Variants in ZNF330 observed in about 807,000 individuals in gnomAD.
ZNF330 encodes nucleolar atypical zinc finger.
In ZNF330, 31 loss-of-function variants were observed where a neutral mutation model predicts 45.5. The observed-to-expected ratio is 0.68, with a 90% CI of 0.51 to 0.92. The LOEUF (loss-of-function observed/expected upper bound fraction) is 0.92, where lower values mean the gene tolerates loss of function less well. Ranked by LOEUF, ZNF330 falls within the 40% of genes least tolerant of loss-of-function variation. ZNF330 has a pLI of 0.00. For missense variants in ZNF330, 356 were observed against 387.4 expected (o/e 0.92, Z 0.68); for synonymous variants, 138 against 123.2 (o/e 1.12, Z -0.79).
Position 141,232,661 on chromosome 4 carries a change from T to A in ZNF330, c.688+19T>A. ...ATGTCAAGTAAGGCCCTTAAGATAC[T>A]AAGGAAGTGATTTTTGCTTTCATAC... is the stretch of plus-strand genomic sequence containing the variant. On this transcript the variant is annotated intron_variant, in intron 9 of 9. Transcript: ENST00000262990. 1 of 1,367,168 alleles carries A rather than the reference T, an allele frequency of 7.3e-7. No homozygotes were observed. Among genetic ancestry groups the A allele is most frequent in the Non-Finnish European group, 9.8e-7 (1 of 1,018,636 alleles). 84.7% of individuals were successfully genotyped at this position (1,367,168 alleles called of 1,614,324 possible).
upstream of ZNF330, among the ~76,000 whole-genome samples, chr4:141,220,679 C>A (rs1728649214): frequency 6.6e-6 from 1 of 152,230 alleles, no homozygotes; most frequent in Non-Finnish European, 1.5e-5. Context: ...TTTTCCTCTT[C>A]CTTTTAGATT....
At chr4:141,227,436 G>A (rs1337714977) in intron 5 of ZNF330, among the ~76,000 whole-genome samples, 1 of 151,970 alleles carries the variant, frequency 6.6e-6, no homozygotes, top group East Asian at 1.9e-4. Flanking sequence ...ATGGATTCCA[G>A]CTTCATCCGT....
In ZNF330 at chr4:141,228,110, C is replaced by T. The variant is rs114752626; in HGVS notation, c.291+1264C>T. On this transcript the variant is annotated intron_variant, in intron 5 of 9. Transcript: ENST00000262990. ...ATGTAAACTTCTATTATGAGGGAGA[C>T]CTATGATATATTTCATATGTGCATA... Among the ~76,000 whole-genome samples the T allele has an allele frequency of 4.6e-3, 695 of 152,090 alleles. 4 individuals carry two copies. The highest frequency in any genetic ancestry group is 0.015 in the African/African-American group (628 of 41,488).
intron 8 of ZNF330, 41 bp from the exon 9 acceptor site, chr4:141,232,484 A>T: frequency 9.0e-7 from 1 of 1,115,002 alleles, no homozygotes; most frequent in Non-Finnish European, 1.2e-6. Context: ...GTATATTTTT[A>T]CATTTTTATT....
At chr4:141,221,949 AATAT>A (rs1318174263) in intron 1 of ZNF330, among the ~76,000 whole-genome samples, 1 of 152,218 alleles carries the variant, frequency 6.6e-6, no homozygotes, top group Non-Finnish European at 1.5e-5. Flanking sequence ...AGGTCATCTG[AATAT>A]ATAGCTCAAA....
rs13147597 is a variant in ZNF330 at position 141,221,366 on chromosome 4, G to A, written c.-7+258G>A. Reference sequence around the variant, plus strand: ...CTGAGAAGAAGATTCACTCTTTTGAGCGTGCAGAACAAACTGGAGGGAAAA... The same window carrying A: ...CTGAGAAGAAGATTCACTCTTTTGAACGTGCAGAACAAACTGGAGGGAAAA... On this transcript the variant is annotated intron_variant, in intron 1 of 9. Coordinates refer to ENST00000262990, the MANE Select transcript of ZNF330 (RefSeq NM_014487.6). Among the ~76,000 whole-genome samples the A allele has an allele frequency of 3.9e-3, 590 of 152,314 alleles. 1 individual carries two copies. The highest frequency in any genetic ancestry group is 6.0e-3 in the Non-Finnish European group (410 of 68,032).
At chr4:141,232,493 T>C in intron 8 of ZNF330, 32 bp from the exon 9 acceptor site, 1 of 1,192,092 alleles carries the variant, frequency 8.4e-7, no homozygotes, top group Non-Finnish European at 1.1e-6. Context: ...TACATTTTTA[T>C]TTATTTACTT....
chr4:141,227,624 C>T (rs1433553641), intron 5 of ZNF330, among the ~76,000 whole-genome samples: 1 of 152,128 alleles, frequency 6.6e-6, no homozygotes, highest in African/African-American at 2.4e-5. Context: ...TTTATAGCAG[C>T]ATGATTTATA....
intron 7 of ZNF330, among the ~76,000 whole-genome samples, chr4:141,230,668 T>A (rs1728928442): frequency 1.3e-5 from 2 of 152,140 alleles, no homozygotes. Context: ...TTGGTTCTAG[T>A]GATTCTTAGA....
Position 141,226,794 on chromosome 4 carries a change from C to T in ZNF330, c.239C>T (p.Ser80Leu). Residue 80 changes from serine (S) to leucine (L), a missense_variant, in exon 5 of 10, where the codon TCA becomes TTA. Ser to Leu is a moderately radical substitution (Grantham distance 145). Coordinates refer to ENST00000262990, the MANE Select transcript of ZNF330 (RefSeq NM_014487.6). ...AAAACAAAGTGCATGATGAAGTCTT[C>T]AGACTGTGTCATAAAGCATGCTGGT... ...CGKTKCMMKSSDCVIKHAGVY... is the reference protein window; with the variant it reads ...CGKTKCMMKSLDCVIKHAGVY... The T allele has an allele frequency of 6.2e-7, 1 of 1,612,966 alleles. No individual in the cohort carries two copies. The highest frequency in any genetic ancestry group is 8.5e-7 in the Non-Finnish European group (1 of 1,179,306).
chr4:141,233,851 T>C lies in ZNF330; in HGVS notation c.825T>C (p.Tyr275=). ...TSYHDEEEDE[Y]EAEDDEEEED... ...ACCACGATGAGGAGGAGGATGAGTATGAAGCAGAGGATGATGAAGAGGAAG... is the reference window on the plus strand; with the variant it reads ...ACCACGATGAGGAGGAGGATGAGTACGAAGCAGAGGATGATGAAGAGGAAG... Residue 275 remains tyrosine, a synonymous_variant, in exon 10 of 10, where the codon TAT becomes TAC. Transcript: ENST00000262990. The C allele has an allele frequency of 1.2e-6, 2 of 1,613,586 alleles. No individual in the cohort carries two copies. Among genetic ancestry groups the C allele is most frequent in the Non-Finnish European group, 1.7e-6 (2 of 1,179,760 alleles).
intron 1 of ZNF330, 67 bp downstream of exon 1, chr4:141,221,175 C>T (rs976309898): frequency 9.8e-5 from 15 of 152,530 alleles, no homozygotes; most frequent in African/African-American, 3.6e-4. Flanking sequence ...CGCCTGGCAC[C>T]TCCGCCGCTT....
chr4:141,234,655 G>C lies in ZNF330; in HGVS notation c.*666G>C, dbSNP rs905182797. ...GTATTATTACAGAAGCTTTACCCAG[G>C]ACATTTTATTTCTCTTTGAATAAAT... On this transcript the variant is annotated 3_prime_UTR_variant, in exon 10 of 10. Transcript: ENST00000262990. The C allele has an allele frequency of 2.6e-5, 4 of 152,114 alleles. No homozygotes were observed. Among genetic ancestry groups the C allele is most frequent in the African/African-American group, 9.6e-5 (4 of 41,470 alleles). 9.4% of individuals were successfully genotyped at this position (152,114 alleles called of 1,614,324 possible).
chr4:141,224,954 A>T (rs1728767540), intron 4 of ZNF330, among the ~76,000 whole-genome samples: 1 of 152,160 alleles, frequency 6.6e-6, no homozygotes, highest in South Asian at 2.1e-4. Flanking sequence ...CAGATTTCAG[A>T]CATAACATTT....
intron 5 of ZNF330, among the ~76,000 whole-genome samples, chr4:141,227,401 T>C (rs557642453): frequency 1.3e-5 from 2 of 152,220 alleles, no homozygotes; most frequent in African/African-American, 4.8e-5. Context: ...TGGTTTTTTG[T>C]CCTTGCGATA....
In ZNF330 at chr4:141,234,038, G is replaced by A. The variant is rs1243419511; in HGVS notation, c.*49G>A. 3.2e-6 allele frequency: 5 copies of A among 1,559,912 alleles called. No homozygotes were observed. The highest frequency in any genetic ancestry group is 3.5e-6 in the Non-Finnish European group (4 of 1,156,208). On this transcript the variant is annotated 3_prime_UTR_variant, in exon 10 of 10. Coordinates refer to ENST00000262990, the MANE Select transcript of ZNF330 (RefSeq NM_014487.6). ...GTGAGAGGAGCAGGAGTGAGTGTGTGTGCTTGATGAATTGTGTGTGGTTGT... is the reference window on the plus strand; with the variant it reads ...GTGAGAGGAGCAGGAGTGAGTGTGTATGCTTGATGAATTGTGTGTGGTTGT...
In ZNF330 at chr4:141,226,758, C is replaced by T; in HGVS notation, c.212-9C>T. On this transcript the variant is annotated splice_polypyrimidine_tract_variant and intron_variant, in intron 4 of 9. Coordinates refer to ENST00000262990, the MANE Select transcript of ZNF330 (RefSeq NM_014487.6). ...CAAGACTAACAGTGCAAATGTTTTT[C>T]TTCATTAGGGAAAACAAAGTGCATG... 1 of 1,611,242 alleles carries T rather than the reference C, an allele frequency of 6.2e-7. No individual in the cohort carries two copies. Among genetic ancestry groups the T allele is most frequent in the Non-Finnish European group, 8.5e-7 (1 of 1,178,176 alleles).
In ZNF330 at chr4:141,234,525, T is replaced by G. The variant is rs1729040507; in HGVS notation, c.*536T>G. ...TGTTTTAGTATTTGACTTATTCTTC[T>G]CTTTCTTCACAATGTATGTCCTCAG... is the stretch of plus-strand genomic sequence containing the variant. On this transcript the variant is annotated 3_prime_UTR_variant, in exon 10 of 10. Coordinates refer to ENST00000262990, the MANE Select transcript of ZNF330 (RefSeq NM_014487.6). 1 of 152,650 alleles carries G rather than the reference T, an allele frequency of 6.6e-6. No individual in the cohort carries two copies. Among genetic ancestry groups the G allele is most frequent in the Middle Eastern group, 3.2e-3 (1 of 316 alleles). 9.5% of individuals were successfully genotyped at this position (152,650 alleles called of 1,614,324 possible). A position where few individuals can be genotyped will look rare whatever the true frequency, so the allele number is the denominator to read the frequency against.
chr4:141,223,510 C>T (rs1036197720), intron 2 of ZNF330, among the ~76,000 whole-genome samples: 2 of 152,168 alleles, frequency 1.3e-5, no homozygotes, highest in African/African-American at 4.8e-5. Flanking sequence ...TTGCATGTCT[C>T]ACATCACATA....
Sources: gnomAD v4.1 joint callset for allele counts (sites outside exome capture counted in the v4.1 genomes callset) on GRCh38, gnomAD v4.1.1 for gene constraint, MANE v1.5 for transcripts, NCBI Gene and HGNC (gene_info 2026-07-23, HGNC 2026-07-21) for gene names.